Variants in COPG2 observed in about 807,000 individuals in gnomAD.
COPG2 encodes coatomer subunit gamma-2.
Under a neutral mutation model 46.3 loss-of-function variants are expected in COPG2, and 37 were observed. That is an observed-to-expected ratio of 0.80 (90% CI 0.61 to 1.05). COPG2 has a LOEUF of 1.05. Among genes scored for constraint, COPG2 ranks in the 50% least tolerant of loss-of-function variants. The pLI is 0.00. For missense variants in COPG2, 427 were observed against 387.8 expected, an observed-to-expected ratio of 1.10 and a Z score of -0.85; for synonymous variants, 159 against 129.7, an observed-to-expected ratio of 1.23 and a Z score of -1.53.
intron 7 of COPG2, 44 bp from the exon 8 acceptor site, chr7:130,612,282 A>G: frequency 8.2e-7 from 1 of 1,225,786 alleles, no homozygotes; most frequent in African/African-American, 1.5e-5. Context: ...ATGCTTGGTC[A>G]CTAGAAGCTT....
intron 3 of COPG2, among the ~76,000 whole-genome samples, chr7:130,664,725 A>G (rs1300203623): frequency 2.0e-5 from 3 of 152,332 alleles, no homozygotes; most frequent in Non-Finnish European, 2.9e-5. Context: ...CTCTCAATCA[A>G]CTTTGACTAT....
chr7:130,660,537 CCTG>C (rs1355047211), intron 4 of COPG2, among the ~76,000 whole-genome samples: 1 of 152,146 alleles, frequency 6.6e-6, no homozygotes, highest in Non-Finnish European at 1.5e-5. Flanking sequence ...TACTATGTCA[CCTG>C]CTACCATTGC....
At chr7:130,578,606 T>G (rs1285505189) in intron 9 of COPG2, among the ~76,000 whole-genome samples, 1 of 151,148 alleles carries the variant, frequency 6.6e-6, no homozygotes, top group Non-Finnish European at 1.5e-5. Context: ...TTGAAAAAAA[T>G]TTAGAAGAAT....
intron 9 of COPG2, among the ~76,000 whole-genome samples, chr7:130,569,667 A>G (rs1793861822): frequency 1.3e-5 from 2 of 152,178 alleles, no homozygotes; most frequent in South Asian, 2.1e-4. Context: ...AAACTATTCC[A>G]AAAGATAGAG....
chr7:130,530,809 GA>G (rs1263443143), intron 20 of COPG2, among the ~76,000 whole-genome samples: 1 of 151,984 alleles, frequency 6.6e-6, no homozygotes, highest in Non-Finnish European at 1.5e-5. Flanking sequence ...AGGGCAGAAA[GA>G]GTGGTGGAAG....
At chr7:130,526,924 G>A (rs1799780504) in intron 20 of COPG2, among the ~76,000 whole-genome samples, 1 of 130,114 alleles carries the variant, frequency 7.7e-6, no homozygotes, top group Non-Finnish European at 1.6e-5. Context: ...GGAAAGGGGT[G>A]GGGATATGGG....
At chr7:130,542,298 G>A (rs1227392057) in intron 20 of COPG2, among the ~76,000 whole-genome samples, 2 of 151,078 alleles carry the variant, frequency 1.3e-5, no homozygotes, top group Non-Finnish European at 2.9e-5. Flanking sequence ...ACAGAAACAG[G>A]GTGTAGAGGT....
At chr7:130,540,668 G>A (rs1439576678) in intron 20 of COPG2, among the ~76,000 whole-genome samples, 1 of 152,074 alleles carries the variant, frequency 6.6e-6, no homozygotes, top group African/African-American at 2.4e-5. Flanking sequence ...AAGATGAGAT[G>A]TGTTAAGTGG....
At chr7:130,539,690 G>A (rs1385019428) in intron 20 of COPG2, among the ~76,000 whole-genome samples, 7 of 152,156 alleles carry the variant, frequency 4.6e-5, no homozygotes, top group Admixed American at 2.0e-4. Context: ...GAAGTGGGAC[G>A]ATGAGGCAGC....
intron 20 of COPG2, among the ~76,000 whole-genome samples, chr7:130,531,270 T>C (rs1799822576): frequency 6.6e-6 from 1 of 151,826 alleles, no homozygotes; most frequent in Non-Finnish European, 1.5e-5. Flanking sequence ...AGATTATATA[T>C]GTTCAGGGTT....
chr7:130,603,354 T>C (rs1435161563), intron 9 of COPG2, among the ~76,000 whole-genome samples: 1 of 152,234 alleles, frequency 6.6e-6, no homozygotes, highest in Non-Finnish European at 1.5e-5. Context: ...CATTATTGTA[T>C]ACTATCTGAC....
At chr7:130,654,567 T>C (rs1398850510) in intron 4 of COPG2, among the ~76,000 whole-genome samples, 1 of 152,198 alleles carries the variant, frequency 6.6e-6, no homozygotes, top group Non-Finnish European at 1.5e-5. Flanking sequence ...TGTATGTATA[T>C]ATACACATAT....
chr7:130,657,887 G>A (rs1429376811), intron 4 of COPG2, among the ~76,000 whole-genome samples: 1 of 151,976 alleles, frequency 6.6e-6, no homozygotes, highest in Admixed American at 6.6e-5. Flanking sequence ...AAATAAAAAC[G>A]ACAATACAAA....
At chr7:130,632,216 G>A (rs147363211) in intron 5 of COPG2, among the ~76,000 whole-genome samples, 12 of 152,282 alleles carry the variant, frequency 7.9e-5, no homozygotes, top group Admixed American at 2.0e-4. Context: ...ATTCCTGGAA[G>A]ATATTTTCAG....
rs925061789 is a variant in COPG2, at chr7:130,528,890, A to G, written c.2149+18784T>C. On this transcript the variant is annotated intron_variant, in intron 20 of 23. Transcript: ENST00000425248. ...CAGGGACTTTACCCCAGATGGGGCA[A>G]AGTGTGTGACGCAGTTCATGGATGA... Among the ~76,000 whole-genome samples the G allele has an allele frequency of 2.0e-4, 31 of 152,064 alleles. 2 individuals carry two copies. The highest frequency in any genetic ancestry group is 7.2e-4 in the African/African-American group (30 of 41,472).
intron 9 of COPG2, among the ~76,000 whole-genome samples, chr7:130,588,406 A>G (rs1554448390): frequency 6.6e-6 from 1 of 151,972 alleles, no homozygotes; most frequent in African/African-American, 2.4e-5. Flanking sequence ...CAAATGTCCA[A>G]CAATGATAGA....
chr7:130,619,228 T>C (rs572645363), intron 5 of COPG2, among the ~76,000 whole-genome samples: 1 of 152,170 alleles, frequency 6.6e-6, no homozygotes, highest in East Asian at 1.9e-4. Flanking sequence ...GCACTTGAAA[T>C]ATAGCTAGTG....
intron 20 of COPG2, chr7:130,546,688 G>A (rs1744933676): frequency 6.6e-6 from 1 of 152,144 alleles, no homozygotes. Flanking sequence ...ACTGGACAGG[G>A]GCTCCCAGGA....
At chr7:130,645,023 T>C (rs539677428) in intron 5 of COPG2, among the ~76,000 whole-genome samples, 1 of 148,900 alleles carries the variant, frequency 6.7e-6, no homozygotes, top group South Asian at 2.1e-4. Context: ...GATCACACCA[T>C]TGCACTCCAG....
Sources: allele counts gnomAD v4.1 joint callset (sites outside exome capture counted in the v4.1 genomes callset), GRCh38; gene constraint gnomAD v4.1.1; transcripts MANE v1.5; gene names NCBI Gene and HGNC (gene_info 2026-07-23, HGNC 2026-07-21).